The following KIF26B variants were observed in gnomAD, a reference collection of about 807,000 sequenced individuals.
KIF26B encodes the protein kinesin family member 26B.
KIF26B carries 63 observed loss-of-function variants against 151.2 expected under a neutral mutation model. The ratio of observed to expected loss-of-function variants is 0.42; its 90% CI spans 0.34 to 0.51. KIF26B has a LOEUF of 0.51. Ranked by LOEUF, KIF26B falls within the 20% of genes least tolerant of loss-of-function variation. The pLI is 0.07. For synonymous variants in KIF26B, 1,357 were observed against 1,262.1 expected, an observed-to-expected ratio of 1.08 and a Z score of -1.59; for missense variants, 2,813 against 2,913.6, an observed-to-expected ratio of 0.97 and a Z score of 0.79.
In KIF26B at chr1:245,602,926, C is replaced by A; in HGVS notation, c.1557+143C>A. The A allele has an allele frequency of 1.3e-6, 1 of 743,302 alleles. No individual in the cohort carries two copies. The allele number at this position is 743,302 out of a possible 1,614,324, so 46.0% of individuals were successfully genotyped here. A position where few individuals can be genotyped will look rare whatever the true frequency, so the allele number is the denominator to read the frequency against. On this transcript the variant is annotated intron_variant, in intron 6 of 14. Coordinates refer to ENST00000407071, the MANE Select transcript of KIF26B (RefSeq NM_018012.4). The surrounding 1 kb of genome is among the most constrained non-coding windows in gnomAD (Gnocchi z 4.5). ...CTTCAGGAGTCAATCTGAGCTCCACCGAATGGTCCAGTGCTTTTGAATTAC... is the reference window on the plus strand; with the variant it reads ...CTTCAGGAGTCAATCTGAGCTCCACAGAATGGTCCAGTGCTTTTGAATTAC...
chr1:245,551,831 C>T (rs1315349105), intron 5 of KIF26B, among the ~76,000 whole-genome samples: 1 of 152,112 alleles, frequency 6.6e-6, no homozygotes, highest in Admixed American at 6.5e-5. Context: ...GCTTTCCCTG[C>T]CAACCTCCCC....
chr1:245,601,731 G>A lies in KIF26B; in HGVS notation c.1351-846G>A, dbSNP rs1374204540. Reference sequence around the variant, plus strand: ...ACACAGTAACAAAGAGCCAGTTAGAGCAAATGCTGTCCCTTTTCCCAGGAC... The same window carrying A: ...ACACAGTAACAAAGAGCCAGTTAGAACAAATGCTGTCCCTTTTCCCAGGAC... On this transcript the variant is annotated intron_variant, in intron 5 of 14. Coordinates refer to ENST00000407071, the MANE Select transcript of KIF26B (RefSeq NM_018012.4). This position sits in a 1 kb window ranked among gnomAD's most constrained non-coding sequence, Gnocchi z 4.4. Among the ~76,000 whole-genome samples the A allele has an allele frequency of 1.3e-5, 2 of 152,206 alleles. No homozygotes were observed. Among genetic ancestry groups the A allele is most frequent in the African/African-American group, 4.8e-5 (2 of 41,454 alleles).
intron 2 of KIF26B, among the ~76,000 whole-genome samples, chr1:245,316,601 A>T (rs1457594705): frequency 6.6e-6 from 1 of 151,852 alleles, no homozygotes; most frequent in Non-Finnish European, 1.5e-5. Flanking sequence ...TTTAAGAGAT[A>T]GTTGTAGCCT....
Position 245,261,164 on chromosome 1 carries a change from T to C in KIF26B, c.465+104481T>C, listed in dbSNP as rs148411819. 3.7e-3 allele frequency among the ~76,000 whole-genome samples: 568 copies of C among 151,906 alleles called. 2 individuals are homozygous for C. Among genetic ancestry groups the C allele is most frequent in the African/African-American group, 0.013 (547 of 41,426 alleles). The stretch of plus-strand genomic sequence containing the variant: ...CTCTTTCTTTCTTTCTTTTCTTTTT[T>C]GATGGAGTTTCACTCTTGTTGCCCA... On this transcript the variant is annotated intron_variant, in intron 2 of 14. Coordinates refer to ENST00000407071, the MANE Select transcript of KIF26B (RefSeq NM_018012.4).
Position 245,499,531 on chromosome 1 carries a change from C to A in KIF26B, c.1167-41236C>A, listed in dbSNP as rs141643038. On this transcript the variant is annotated intron_variant, in intron 4 of 14. Transcript: ENST00000407071. ...CGGGACACGTAAACTTGGCTGAGGA[C>A]ACACAGCTCGGAACCCTAGCCCATA... Among the ~76,000 whole-genome samples the A allele has an allele frequency of 2.6e-4, 39 of 152,296 alleles. No homozygotes were observed. In the East Asian group the frequency reaches 7.5e-3, roughly 29 times the overall value.
chr1:245,484,833 G>A (rs1660246019), intron 4 of KIF26B, among the ~76,000 whole-genome samples: 2 of 150,942 alleles, frequency 1.3e-5, no homozygotes, highest in Admixed American at 6.6e-5. Flanking sequence ...CAAGAGAGTC[G>A]ATTTGTGTGA....
At chr1:245,283,982 C>T (rs751891154) in intron 2 of KIF26B, among the ~76,000 whole-genome samples, 3 of 152,088 alleles carry the variant, frequency 2.0e-5, no homozygotes, top group Non-Finnish European at 4.4e-5. Context: ...CGCTGCGCAC[C>T]GCAGCTTGAG....
intron 9 of KIF26B, among the ~76,000 whole-genome samples, chr1:245,637,847 T>C (rs1035631975): frequency 2.6e-5 from 4 of 152,072 alleles, no homozygotes; most frequent in African/African-American, 7.2e-5. Flanking sequence ...TCTATTGTAT[T>C]CCATTGGTCT....
At chr1:245,613,630 A>G (rs2043551953) in intron 9 of KIF26B, among the ~76,000 whole-genome samples, 1 of 152,060 alleles carries the variant, frequency 6.6e-6, no homozygotes, top group South Asian at 2.1e-4. Flanking sequence ...TCCAGCTGGG[A>G]TCTATGGACA....
chr1:245,640,143 C>CTCTATATATATATATATATA, intron 9 of KIF26B, among the ~76,000 whole-genome samples: 4 of 31,934 alleles, frequency 1.3e-4, no homozygotes, highest in Non-Finnish European at 1.8e-4. Context: ...CTCTCTCTCT[C>CTCTATATATATATATATATA]TATATATATA....
At chr1:245,400,565 C>G (rs1160388766) in intron 3 of KIF26B, among the ~76,000 whole-genome samples, 1 of 150,666 alleles carries the variant, frequency 6.6e-6, no homozygotes, top group Non-Finnish European at 1.5e-5. Flanking sequence ...ATGGGGGCCA[C>G]CAGCCACATG....
At chr1:245,477,657 C>T (rs1660069605) in intron 4 of KIF26B, among the ~76,000 whole-genome samples, 1 of 151,674 alleles carries the variant, frequency 6.6e-6, no homozygotes, top group Non-Finnish European at 1.5e-5. Flanking sequence ...GAGGGAAAAG[C>T]ATTCCCAGCA....
At chr1:245,430,268 A>C (rs1283600166) in intron 4 of KIF26B, among the ~76,000 whole-genome samples, 1 of 151,780 alleles carries the variant, frequency 6.6e-6, no homozygotes, top group Non-Finnish European at 1.5e-5. Context: ...TATCTAGTAT[A>C]TGTTGCGTAA....
intron 2 of KIF26B, among the ~76,000 whole-genome samples, chr1:245,187,707 A>T (rs1385617262): frequency 6.6e-6 from 1 of 152,120 alleles, no homozygotes; most frequent in Non-Finnish European, 1.5e-5. Context: ...AGTGGGTTTG[A>T]GTAATTATGT....
At position 245,667,251 on chromosome 1, in the gene KIF26B, C is replaced by T. The variant is rs1178448894; in HGVS notation, c.2259-16982C>T. Among the ~76,000 whole-genome samples, 1 of 152,168 alleles carries T rather than the reference C, an allele frequency of 6.6e-6. No individual in the cohort carries two copies. Among genetic ancestry groups the T allele is most frequent in the Non-Finnish European group, 1.5e-5 (1 of 68,018 alleles). ...AGTGCAGTGGCACGATCTCGGCTCACTGCAGCCTTAAGCTCCTGGGCTCAA... is the reference window on the plus strand; with the variant it reads ...AGTGCAGTGGCACGATCTCGGCTCATTGCAGCCTTAAGCTCCTGGGCTCAA... On this transcript the variant is annotated intron_variant, in intron 10 of 14. Transcript: ENST00000407071. The surrounding 1 kb of genome is among the most constrained non-coding windows in gnomAD (Gnocchi z 4.3).
chr1:245,357,056 T>A (rs757393050), intron 2 of KIF26B, among the ~76,000 whole-genome samples: 8 of 152,292 alleles, frequency 5.3e-5, no homozygotes, highest in East Asian at 1.9e-4. Context: ...CAGAAGGCTT[T>A]CATGGCTGGT....
intron 2 of KIF26B, among the ~76,000 whole-genome samples, chr1:245,364,896 T>C (rs1345440196): frequency 6.6e-6 from 1 of 152,198 alleles, no homozygotes; most frequent in Non-Finnish European, 1.5e-5. Flanking sequence ...TATCTTTGCA[T>C]ATACTGGGGC....
At position 245,244,686 on chromosome 1, in the gene KIF26B, G is replaced by GA. The variant is rs1340391075; in HGVS notation, c.465+88003_465+88004insA. 1.3e-5 allele frequency among the ~76,000 whole-genome samples: 2 copies of GA among 150,756 alleles called. No homozygotes were observed. The highest frequency in any genetic ancestry group is 4.9e-5 in the African/African-American group (2 of 41,004). On this transcript the variant is annotated intron_variant, in intron 2 of 14. Coordinates refer to ENST00000407071, the MANE Select transcript of KIF26B (RefSeq NM_018012.4). This position sits in a 1 kb window ranked among gnomAD's most constrained non-coding sequence, Gnocchi z 4.2. ...CCTCTCTCTTCATACTGTTGTCTTA[G>GA]GTGTTCCTTGTAACCAGACTTCAAA...
intron 3 of KIF26B, among the ~76,000 whole-genome samples, chr1:245,414,776 G>T (rs1674377205): frequency 6.6e-6 from 1 of 152,206 alleles, no homozygotes; most frequent in African/African-American, 2.4e-5. Flanking sequence ...CAGAACATTT[G>T]TCTCTGGCTG....
Sources: allele counts gnomAD v4.1 joint callset (sites outside exome capture counted in the v4.1 genomes callset), GRCh38; gene constraint gnomAD v4.1.1; non-coding constraint Gnocchi (gnomAD v3.1); transcripts MANE v1.5; gene names NCBI Gene and HGNC (gene_info 2026-07-23, HGNC 2026-07-21).